The following ZNF385B variants were observed in gnomAD, a reference collection of about 807,000 sequenced individuals.
ZNF385B encodes the protein zinc finger protein 533.
A neutral mutation model predicts 39.2 loss-of-function variants in ZNF385B; 23 were observed. The ratio of observed to expected loss-of-function variants is 0.59; its 90% CI spans 0.42 to 0.83. The LOEUF is 0.83. Among genes scored for constraint, ZNF385B ranks in the 40% least tolerant of loss-of-function variants. The pLI is 0.00. For missense variants in ZNF385B, 552 were observed against 598.9 expected, an observed-to-expected ratio of 0.92 and a Z score of 0.82; for synonymous variants, 205 against 222.6, an observed-to-expected ratio of 0.92 and a Z score of 0.70.
intron 3 of ZNF385B, among the ~76,000 whole-genome samples, chr2:179,649,005 G>A (rs1040728903): frequency 3.9e-5 from 6 of 152,014 alleles, no homozygotes; most frequent in African/African-American, 1.5e-4. Context: ...CTTTAACAAG[G>A]GACCAAAGTG....
intron 3 of ZNF385B, among the ~76,000 whole-genome samples, chr2:179,639,249 AGGGGGAGAAAG>A (rs1692050320): frequency 3.9e-5 from 5 of 128,686 alleles, no homozygotes; most frequent in South Asian, 2.7e-4. Flanking sequence ...AAAAAAAAAA[AGGGGGAGAAAG>A]AAAAGAAAAA....
intron 3 of ZNF385B, among the ~76,000 whole-genome samples, chr2:179,603,177 C>T (rs146677172): frequency 1.7e-4 from 26 of 152,224 alleles, no homozygotes; most frequent in African/African-American, 5.8e-4. Context: ...TTTGGCTCTG[C>T]GTTTTTTGAT....
At chr2:179,583,600 A>T (rs1176144091) in intron 3 of ZNF385B, among the ~76,000 whole-genome samples, 1 of 152,214 alleles carries the variant, frequency 6.6e-6, no homozygotes, top group East Asian at 1.9e-4. Flanking sequence ...TTGTTTTCCC[A>T]TAACAGCATG....
chr2:179,513,142 G>T (rs2057809976), intron 5 of ZNF385B, among the ~76,000 whole-genome samples: 1 of 152,128 alleles, frequency 6.6e-6, no homozygotes, highest in Non-Finnish European at 1.5e-5. Context: ...GTTTCAGGCT[G>T]ATTTAGAAAT....
intron 6 of ZNF385B, among the ~76,000 whole-genome samples, chr2:179,459,406 T>C (rs2051047349): frequency 6.6e-6 from 1 of 152,186 alleles, no homozygotes; most frequent in South Asian, 2.1e-4. Context: ...ATTAATATCA[T>C]TTCACCAAGA....
chr2:179,710,811 G>A (rs1038440089), intron 3 of ZNF385B, among the ~76,000 whole-genome samples: 3 of 152,176 alleles, frequency 2.0e-5, no homozygotes, highest in Admixed American at 2.0e-4. Context: ...AGACTGTTGT[G>A]ACTGCAGAGA....
At chr2:179,445,034 C>T (rs988786358) in intron 8 of ZNF385B, 57 bp from the exon 9 acceptor site, 27 of 1,484,774 alleles carry the variant, frequency 1.8e-5, no homozygotes, top group East Asian at 1.1e-4. Context: ...CCATGTAAAA[C>T]GTATTTCTAG....
intron 3 of ZNF385B, among the ~76,000 whole-genome samples, chr2:179,606,444 A>T (rs1688810060): frequency 6.6e-6 from 1 of 152,126 alleles, no homozygotes; most frequent in Non-Finnish European, 1.5e-5. Flanking sequence ...TGCCTTCAGA[A>T]AGCACAATTT....
intron 3 of ZNF385B, among the ~76,000 whole-genome samples, chr2:179,710,397 C>G (rs1280092124): frequency 6.6e-6 from 1 of 152,144 alleles, no homozygotes; most frequent in Non-Finnish European, 1.5e-5. Context: ...TATGGTACTT[C>G]CACTCCATGG....
At chr2:179,493,155 TATG>T (rs2055426676) in intron 5 of ZNF385B, among the ~76,000 whole-genome samples, 1 of 152,138 alleles carries the variant, frequency 6.6e-6, no homozygotes, top group Non-Finnish European at 1.5e-5. Flanking sequence ...ACATATAATA[TATG>T]ATATCATCAA....
At chr2:179,807,616 C>G (rs1359356764) in intron 1 of ZNF385B, among the ~76,000 whole-genome samples, 1 of 151,426 alleles carries the variant, frequency 6.6e-6, no homozygotes. Flanking sequence ...TAAAAAAAGG[C>G]CAGGTGCGGT....
chr2:179,740,528 C>T (rs1702026916), intron 3 of ZNF385B, among the ~76,000 whole-genome samples: 2 of 152,126 alleles, frequency 1.3e-5, no homozygotes, highest in South Asian at 4.1e-4. Flanking sequence ...CTTTAACTTA[C>T]CTTTCAGCAC....
chr2:179,539,346 C>T (rs375915049), intron 4 of ZNF385B, among the ~76,000 whole-genome samples: 21 of 152,306 alleles, frequency 1.4e-4, no homozygotes, highest in Middle Eastern at 3.4e-3. Flanking sequence ...CCTCCAAAGG[C>T]TCTATCTCCA....
At chr2:179,776,849 G>C (rs567205846) in intron 1 of ZNF385B, among the ~76,000 whole-genome samples, 1 of 152,210 alleles carries the variant, frequency 6.6e-6, no homozygotes, top group African/African-American at 2.4e-5. Flanking sequence ...ACTATTTTTT[G>C]AATTAGGTAA....
chr2:179,610,943 G>A (rs1689239070), intron 3 of ZNF385B, among the ~76,000 whole-genome samples: 1 of 152,018 alleles, frequency 6.6e-6, no homozygotes, highest in South Asian at 2.1e-4. Flanking sequence ...TTTTTTGGTG[G>A]ACTCTTTAGG....
chr2:179,831,178 G>C (rs1707963622), intron 1 of ZNF385B, among the ~76,000 whole-genome samples: 1 of 152,094 alleles, frequency 6.6e-6, no homozygotes, highest in Non-Finnish European at 1.5e-5. Context: ...GGCAGTATCA[G>C]TAGTAATAAT....
rs1346808450 is a variant in ZNF385B, at chr2:179,792,370, C to CTTTTTT, written c.-154-21699_-154-21698insAAAAAA. 9.2e-3 allele frequency among the ~76,000 whole-genome samples: 649 copies of CTTTTTT among 70,332 alleles called. 56 individuals are homozygous for CTTTTTT. Among genetic ancestry groups the CTTTTTT allele is most frequent in the African/African-American group, 0.027 (534 of 19,486 alleles). 46.1% of individuals were successfully genotyped at this position (70,332 alleles called of 152,430 possible). A position where few individuals can be genotyped will look rare whatever the true frequency, so the allele number is the denominator to read the frequency against. On this transcript the variant is annotated intron_variant, in intron 1 of 9. Transcript: ENST00000410066. ...CTGAAGAAGTAGGCCATTTCATTTT[C>CTTTTTT]TTTTCTTTTTTTTTTTTTTTTGAGA... is the stretch of plus-strand genomic sequence containing the variant.
At chr2:179,588,869 C>T (rs745714128) in intron 3 of ZNF385B, among the ~76,000 whole-genome samples, 5 of 152,278 alleles carry the variant, frequency 3.3e-5, no homozygotes, top group Non-Finnish European at 5.9e-5. Flanking sequence ...CGGCTATACA[C>T]AGAAGGCAAA....
At chr2:179,700,749 C>T (rs865890988) in intron 3 of ZNF385B, among the ~76,000 whole-genome samples, 17 of 152,174 alleles carry the variant, frequency 1.1e-4, no homozygotes, top group Non-Finnish European at 8.8e-5. Context: ...CCCGGTGGCT[C>T]ACACCTGTAA....
Sources: allele counts gnomAD v4.1 joint callset (sites outside exome capture counted in the v4.1 genomes callset), GRCh38; gene constraint gnomAD v4.1.1; transcripts MANE v1.5; gene names NCBI Gene and HGNC (gene_info 2026-07-23, HGNC 2026-07-21).